MLXIPL: variants seen among roughly 807,000 people sequenced by gnomAD.
MLXIPL encodes the protein carbohydrate-responsive element-binding protein.
Under a neutral mutation model 81.5 loss-of-function variants are expected in MLXIPL, and 49 were observed. The observed-to-expected ratio is 0.60, with a 90% CI of 0.48 to 0.76. The LOEUF is 0.76. MLXIPL is among the 30% of genes least tolerant of loss of function. The pLI, the probability that MLXIPL is intolerant of heterozygous loss-of-function variation, is 0.00. For synonymous variants in MLXIPL, 466 were observed against 485.5 expected, an observed-to-expected ratio of 0.96 and a Z score of 0.53; for missense variants, 1,053 against 1,167.0, an observed-to-expected ratio of 0.90 and a Z score of 1.42.
rs1554597793 is a variant in MLXIPL at position 73,605,807 on chromosome 7, G to A, written c.821-39C>T. The stretch of plus-strand genomic sequence containing the variant: ...TGGCGACATCAGCAGCAGCAGGCAG[G>A]GAGGAGCAGGGTCCCCACCCCCATC... On this transcript the variant is annotated intron_variant, in intron 6 of 16. Transcript: ENST00000313375. 4 of 1,603,180 alleles carry A rather than the reference G, an allele frequency of 2.5e-6. No individual in the cohort carries two copies. The Admixed American group carries it at 5.1e-5, about 21-fold the overall frequency.
intron 7 of MLXIPL, 50 bp from the exon 8 acceptor site, chr7:73,599,745 T>G: frequency 6.4e-7 from 1 of 1,555,468 alleles, no homozygotes; most frequent in African/African-American, 1.4e-5. Flanking sequence ...GGGCTATGGC[T>G]GGGAAACAGC....
chr7:73,629,927 G>T, the MLXIPL span, among the ~76,000 whole-genome samples: 2 of 152,120 alleles, frequency 1.3e-5, no homozygotes, highest in South Asian at 4.1e-4. Flanking sequence ...CACCTAGCAG[G>T]TCCGCAGGAT....
chr7:73,622,525 A>G (rs1554602542), intron 1 of MLXIPL, among the ~76,000 whole-genome samples: 1 of 151,228 alleles, frequency 6.6e-6, no homozygotes, highest in African/African-American at 2.4e-5. Flanking sequence ...TTTGGTAGAG[A>G]CAGGTTCTCA....
chr7:73,603,296 C>T (rs1436666729), intron 7 of MLXIPL, among the ~76,000 whole-genome samples: 1 of 152,228 alleles, frequency 6.6e-6, no homozygotes, highest in African/African-American at 2.4e-5. Flanking sequence ...CTTTTTCCCC[C>T]ATGCGCCAGC....
Position 73,607,632 on chromosome 7 carries a change from G to A in MLXIPL, c.441C>T (p.Thr147=). The part of the protein sequence containing the change: ...RRKSPVCGFV[T]PLQGPEADAH... ...CATCAGCCTCAGGCCCCTGCAGGGG[G>A]GTCACGAAGCCACACACGGGGCTCT... Residue 147 remains threonine, a synonymous_variant, in exon 3 of 17, where the codon ACC becomes ACT. Transcript: ENST00000313375. The A allele has an allele frequency of 1.2e-6, 2 of 1,613,492 alleles. No individual in the cohort carries two copies. Among genetic ancestry groups the A allele is most frequent in the Non-Finnish European group, 1.7e-6 (2 of 1,180,004 alleles).
the MLXIPL span, among the ~76,000 whole-genome samples, chr7:73,643,310 C>A: frequency 6.6e-6 from 1 of 152,044 alleles, no homozygotes; most frequent in Non-Finnish European, 1.5e-5. Flanking sequence ...GTCAGGAGAT[C>A]GAGACCAGCC....
At chr7:73,621,378 C>A (rs1268642642) in intron 1 of MLXIPL, among the ~76,000 whole-genome samples, 1 of 151,484 alleles carries the variant, frequency 6.6e-6, no homozygotes, top group East Asian at 1.9e-4. Context: ...AGGGTGAAAC[C>A]TTGCCAGGCC....
chr7:73,633,579 G>A, the MLXIPL span, among the ~76,000 whole-genome samples: 3 of 151,910 alleles, frequency 2.0e-5, no homozygotes, highest in Admixed American at 6.6e-5. Context: ...TTGACCTCGC[G>A]AAGTACTGGG....
chr7:73,634,800 A>G, the MLXIPL span, among the ~76,000 whole-genome samples: 1 of 109,072 alleles, frequency 9.2e-6, no homozygotes, highest in Non-Finnish European at 2.0e-5. Context: ...CTGCTTCTAT[A>G]TGTATTTATT....
Position 73,624,473 on chromosome 7 carries a change from C to A in MLXIPL, c.20G>T (p.Gly7Val), listed in dbSNP as rs1554603186. MAGALA[G>V]LAAGLQVPRV... ...CGGGACCTGCAAGCCCGCGGCCAGA[C>A]CTGCCAGCGCGCCGGCCATGGCTGT... Residue 7 changes from glycine to valine, a missense_variant, in exon 1 of 17, where the codon GGT (glycine) becomes GTT (valine). By Grantham distance (109) the Gly-to-Val change is moderately radical. Coordinates refer to ENST00000313375, the MANE Select transcript of MLXIPL (RefSeq NM_032951.3). 3.9e-6 allele frequency: 6 copies of A among 1,533,106 alleles called. No homozygotes were observed. The highest frequency in any genetic ancestry group is 4.4e-6 in the Non-Finnish European group (5 of 1,146,926). The allele number at this position is 1,533,106 out of a possible 1,614,324, so 95.0% of individuals were successfully genotyped here. A position where few individuals can be genotyped will look rare whatever the true frequency, so the allele number is the denominator to read the frequency against.
At chr7:73,627,737 G>T (rs190901367), upstream of MLXIPL, among the ~76,000 whole-genome samples, 121 of 152,266 alleles carry the variant, frequency 7.9e-4, no homozygotes, top group Non-Finnish European at 1.4e-3. Context: ...GAAGAAAGGG[G>T]CATGAGACTA....
At chr7:73,601,600 G>A (rs542858024) in intron 7 of MLXIPL, among the ~76,000 whole-genome samples, 6 of 152,202 alleles carry the variant, frequency 3.9e-5, no homozygotes, top group South Asian at 4.2e-4. Flanking sequence ...GCACCATCTC[G>A]GCTCACTGCA....
chr7:73,594,004 G>A, intron 16 of MLXIPL, 21 bp from the exon 17 acceptor site: 1 of 1,595,724 alleles, frequency 6.3e-7, no homozygotes, highest in South Asian at 1.1e-5. Context: ...GACAGAGAGA[G>A]AGAGACAGAC....
At chr7:73,647,760 G>A in the MLXIPL span, among the ~76,000 whole-genome samples, 3 of 151,890 alleles carry the variant, frequency 2.0e-5, no homozygotes, top group African/African-American at 7.2e-5. Context: ...TGACGCGGGG[G>A]CTCCACGCCC....
chr7:73,613,568 A>T (rs1795829717), intron 2 of MLXIPL, among the ~76,000 whole-genome samples: 1 of 152,220 alleles, frequency 6.6e-6, no homozygotes, highest in Non-Finnish European at 1.5e-5. Context: ...ATTGCACTTC[A>T]GCATGGGTGA....
At chr7:73,614,138 A>G (rs543432754) in intron 2 of MLXIPL, among the ~76,000 whole-genome samples, 1 of 152,208 alleles carries the variant, frequency 6.6e-6, no homozygotes, top group East Asian at 1.9e-4. Flanking sequence ...AATCTCTTAA[A>G]CCAGGGAGAC....
intron 5 of MLXIPL, 78 bp downstream of exon 5, chr7:73,606,896 G>A (rs1795323091): frequency 4.6e-6 from 7 of 1,510,276 alleles, no homozygotes; most frequent in East Asian, 2.3e-5. Context: ...CCACTGAGGC[G>A]GAAACTGTCA....
Position 73,605,743 on chromosome 7 carries a change from G to A in MLXIPL, c.846C>T (p.Ile282=). 3.7e-6 allele frequency: 6 copies of A among 1,613,630 alleles called. No individual in the cohort carries two copies. Among genetic ancestry groups the A allele is most frequent in the Non-Finnish European group, 5.1e-6 (6 of 1,179,868 alleles). Reference sequence around the variant, plus strand: ...GCTGCAGTGGCGTCAGGTCCGGCTGGATCATGTCAGCATTGCCGACGTAGG... The same window carrying A: ...GCTGCAGTGGCGTCAGGTCCGGCTGAATCATGTCAGCATTGCCGACGTAGG... ...EDAYVGNADM[I]QPDLTPLQPS... Residue 282 remains isoleucine, a synonymous_variant, in exon 7 of 17, where the codon ATC becomes ATT. Coordinates refer to ENST00000313375, the MANE Select transcript of MLXIPL (RefSeq NM_032951.3).
chr7:73,627,001 A>G (rs1796765505), upstream of MLXIPL, among the ~76,000 whole-genome samples: 1 of 152,150 alleles, frequency 6.6e-6, no homozygotes, highest in Admixed American at 6.6e-5. Flanking sequence ...TGATTATCCA[A>G]GGCTGCTCAC....
Sources: gnomAD v4.1 joint callset for allele counts (sites outside exome capture counted in the v4.1 genomes callset) on GRCh38, gnomAD v4.1.1 for gene constraint, MANE v1.5 for transcripts, NCBI Gene and HGNC (gene_info 2026-07-23, HGNC 2026-07-21) for gene names.